Variants in ATP8A1 observed in about 807,000 individuals in gnomAD.
The protein encoded by ATP8A1 is ATPase phospholipid transporting 8A1, also known as phospholipid-transporting ATPase IA.
ATP8A1 carries 90 observed loss-of-function variants against 177.7 expected under a neutral mutation model. The observed-to-expected ratio is 0.51, with a 90% CI of 0.43 to 0.60. The LOEUF is 0.60. Among genes scored for constraint, ATP8A1 ranks in the 20% least tolerant of loss-of-function variants. The probability of loss-of-function intolerance (pLI) is 0.00; values close to 1 mark genes in which losing one functional copy is unlikely to be tolerated. For missense variants in ATP8A1, 1,072 were observed against 1,392.8 expected (o/e 0.77, Z 3.67); for synonymous variants, 493 against 485.9 (o/e 1.01, Z -0.19).
chr4:42,544,916 C>T (rs371078830), intron 19 of ATP8A1, among the ~76,000 whole-genome samples: 13 of 152,238 alleles, frequency 8.5e-5, no homozygotes, highest in African/African-American at 3.1e-4. Flanking sequence ...AATTCTAGCA[C>T]TTTGGGAGGC....
chr4:42,488,380 T>G (rs879371025), intron 24 of ATP8A1, among the ~76,000 whole-genome samples: 99 of 152,080 alleles, frequency 6.5e-4, no homozygotes, highest in Admixed American at 1.8e-3. Context: ...TAGCCTGTCT[T>G]TTTCTATGCA....
intron 27 of ATP8A1, among the ~76,000 whole-genome samples, chr4:42,459,812 C>A (rs760067553): frequency 6.6e-6 from 1 of 151,844 alleles, no homozygotes; most frequent in Non-Finnish European, 1.5e-5. Flanking sequence ...TTTTTTGAGA[C>A]AGAGTCTCGC....
chr4:42,616,526 C>T (rs190362257), intron 4 of ATP8A1, among the ~76,000 whole-genome samples: 25 of 152,160 alleles, frequency 1.6e-4, no homozygotes, highest in Admixed American at 1.2e-3. Context: ...AATTTGTTAC[C>T]GAATTAAGCT....
chr4:42,447,586 C>G (rs1717420009), intron 30 of ATP8A1, among the ~76,000 whole-genome samples: 1 of 152,148 alleles, frequency 6.6e-6, no homozygotes. Context: ...ATAATTAAAT[C>G]ATTGATACCA....
At position 42,426,524 on chromosome 4, in the gene ATP8A1, C is replaced by T. The variant is rs551266374; in HGVS notation, c.3124-2819G>A. On this transcript the variant is annotated intron_variant, in intron 33 of 36. Coordinates refer to ENST00000381668, the MANE Select transcript of ATP8A1 (RefSeq NM_006095.2). ...GGCCCTTCCCAGCTAATCAGACACTCGGGAAGAAACTTCTCAGTCTCAGTT... is the reference window on the plus strand; with the variant it reads ...GGCCCTTCCCAGCTAATCAGACACTTGGGAAGAAACTTCTCAGTCTCAGTT... Among the ~76,000 whole-genome samples the T allele has an allele frequency of 1.1e-3, 175 of 152,300 alleles. 1 individual carries two copies. Among genetic ancestry groups the T allele is most frequent in the African/African-American group, 4.1e-3 (171 of 41,560 alleles).
At chr4:42,632,744 C>G (rs922282964) in intron 1 of ATP8A1, among the ~76,000 whole-genome samples, 1 of 152,186 alleles carries the variant, frequency 6.6e-6, no homozygotes, top group Non-Finnish European at 1.5e-5. Context: ...CTCATCTTCC[C>G]CGAACAGTGT....
At chr4:42,473,941 A>G (rs999609573) in intron 25 of ATP8A1, among the ~76,000 whole-genome samples, 6 of 151,770 alleles carry the variant, frequency 4.0e-5, no homozygotes, top group East Asian at 1.9e-4. Flanking sequence ...GGTGTGAGCC[A>G]TCATGCACAG....
At chr4:42,457,489 C>G (rs1718611378) in intron 27 of ATP8A1, among the ~76,000 whole-genome samples, 2 of 152,308 alleles carry the variant, frequency 1.3e-5, no homozygotes, top group South Asian at 4.1e-4. Flanking sequence ...ATTATGGCCT[C>G]TCTAATCTAT....
chr4:42,518,638 C>T (rs77977246), intron 22 of ATP8A1, among the ~76,000 whole-genome samples: 5,104 of 152,312 alleles, frequency 0.034, 121 homozygotes, highest in Middle Eastern at 0.054. Context: ...GAAAACGACC[C>T]TCACAGTTTA....
chr4:42,485,591 TATA>T lies in ATP8A1; in HGVS notation c.2226_2228del (p.Ile744del). 6.2e-7 allele frequency: 1 copy of T among 1,613,752 alleles called. No individual in the cohort carries two copies. The highest frequency in any genetic ancestry group is 8.5e-7 in the Non-Finnish European group (1 of 1,179,760). The stretch of plus-strand genomic sequence containing the variant: ...CATATTTGAGGGTTTTCCCATCAAT[TATA>T]AGAGCAAAATCATTCTCTTTCCGGA... On this transcript the variant is annotated inframe_deletion, in exon 25 of 37. Coordinates refer to ENST00000381668, the MANE Select transcript of ATP8A1 (RefSeq NM_006095.2).
rs1560535364 is a variant in ATP8A1, at chr4:42,627,025, T to C, written c.134A>G (p.Gln45Arg). 6.2e-7 allele frequency: 1 copy of C among 1,614,122 alleles called. No homozygotes were observed. The highest frequency in any genetic ancestry group is 2.2e-5 in the East Asian group (1 of 44,878). ...EVRTIFINQP[Q>R]LTKFCNNHVS... is the part of the protein sequence containing the mutation. Reference sequence around the variant, plus strand: ...ATGGTTATTGCAGAATTTTGTCAGCTGGGGCTGGTTGATGAAAATAGTCCT... The same window carrying C: ...ATGGTTATTGCAGAATTTTGTCAGCCGGGGCTGGTTGATGAAAATAGTCCT... Residue 45 changes from glutamine to arginine, a missense_variant, in exon 2 of 37, where the codon CAG becomes CGG. Physicochemically the swap from Gln to Arg is conservative, Grantham distance 43. This residue lies in a region of ATP8A1 where 344 missense variants were observed against 393.5 expected (regional missense o/e 0.87). Transcript: ENST00000381668.
chr4:42,604,667 A>C (rs991136381), intron 5 of ATP8A1, among the ~76,000 whole-genome samples: 1 of 152,238 alleles, frequency 6.6e-6, no homozygotes, highest in African/African-American at 2.4e-5. Context: ...CAGAAATTCT[A>C]CTACTAGGTG....
chr4:42,510,745 T>C (rs1356559394), intron 22 of ATP8A1, among the ~76,000 whole-genome samples: 3 of 152,170 alleles, frequency 2.0e-5, no homozygotes. Context: ...TCCACCAATA[T>C]AAAATACATT....
At chr4:42,496,521 T>A (rs1482686253) in intron 24 of ATP8A1, among the ~76,000 whole-genome samples, 1 of 152,154 alleles carries the variant, frequency 6.6e-6, no homozygotes, top group African/African-American at 2.4e-5. Context: ...CACAACTGGC[T>A]TTCTCAAAAT....
At chr4:42,428,101 A>G (rs938905079) in intron 33 of ATP8A1, among the ~76,000 whole-genome samples, 1 of 152,242 alleles carries the variant, frequency 6.6e-6, no homozygotes, top group African/African-American at 2.4e-5. Flanking sequence ...GATAGTTTAG[A>G]AGAGTCCTGG....
intron 9 of ATP8A1, among the ~76,000 whole-genome samples, chr4:42,584,785 A>G (rs1733453795): frequency 6.6e-6 from 1 of 152,076 alleles, no homozygotes; most frequent in African/African-American, 2.4e-5. Context: ...TCTGTCCCAA[A>G]CTTCAGATAT....
At chr4:42,471,847 G>A (rs750113650) in intron 25 of ATP8A1, 4 of 581,580 alleles carry the variant, frequency 6.9e-6, no homozygotes, top group Non-Finnish European at 1.3e-5. Context: ...AAGCCCAACA[G>A]CGAGACGCCA....
chr4:42,542,881 T>C (rs1221681204), intron 20 of ATP8A1, among the ~76,000 whole-genome samples: 2 of 152,192 alleles, frequency 1.3e-5, no homozygotes, highest in Non-Finnish European at 2.9e-5. Flanking sequence ...CAATACACTT[T>C]AAAATTGTAT....
At chr4:42,648,133 T>C (rs1442708874) in intron 1 of ATP8A1, among the ~76,000 whole-genome samples, 1 of 152,204 alleles carries the variant, frequency 6.6e-6, no homozygotes, top group Non-Finnish European at 1.5e-5. Flanking sequence ...AATATAAATT[T>C]ATAAACAATG....
Sources: allele counts gnomAD v4.1 joint callset (sites outside exome capture counted in the v4.1 genomes callset), GRCh38; gene constraint gnomAD v4.1.1; regional missense constraint gnomAD v4.1.1; transcripts MANE v1.5; gene names NCBI Gene and HGNC (gene_info 2026-07-23, HGNC 2026-07-21).